The following UBAC2 variants were observed in gnomAD, a reference collection of about 807,000 sequenced individuals.
UBAC2 encodes ubiquitin-associated domain-containing protein 2.
Under a neutral mutation model 44.0 loss-of-function variants are expected in UBAC2, and 26 were observed. That is an observed-to-expected ratio of 0.59 (90% CI 0.43 to 0.82). The LOEUF (loss-of-function observed/expected upper bound fraction) is 0.82, where lower values mean the gene tolerates loss of function less well. Among genes scored for constraint, UBAC2 ranks in the 40% least tolerant of loss-of-function variants. The pLI is 0.00. For synonymous variants in UBAC2, 155 were observed against 154.3 expected (o/e 1.00, Z -0.04); for missense variants, 329 against 419.4 (o/e 0.78, Z 1.88).
chr13:99,256,871 C>CT (rs761560719), intron 4 of UBAC2, among the ~76,000 whole-genome samples: 8 of 152,146 alleles, frequency 5.3e-5, no homozygotes, highest in Non-Finnish European at 1.0e-4. Flanking sequence ...GTGGCATCCC[C>CT]TTGTAATATG....
At chr13:99,246,449 A>G (rs1424434815) in intron 4 of UBAC2, among the ~76,000 whole-genome samples, 1 of 152,214 alleles carries the variant, frequency 6.6e-6, no homozygotes, top group Non-Finnish European at 1.5e-5. Flanking sequence ...TCCCCAAAAC[A>G]TCTCCTATCA....
At chr13:99,290,738 A>T (rs1270284534) in intron 4 of UBAC2, among the ~76,000 whole-genome samples, 1 of 151,754 alleles carries the variant, frequency 6.6e-6, no homozygotes, top group African/African-American at 2.4e-5. Flanking sequence ...CAAAAAAAAA[A>T]AAAAAAGAAA....
intron 7 of UBAC2, among the ~76,000 whole-genome samples, chr13:99,355,109 TA>T (rs2045157566): frequency 6.6e-6 from 1 of 152,226 alleles, no homozygotes; most frequent in African/African-American, 2.4e-5. Flanking sequence ...AAACCTTGAG[TA>T]ATCCCCAGTC....
At chr13:99,259,561 C>T (rs1171602984) in intron 4 of UBAC2, among the ~76,000 whole-genome samples, 1 of 152,122 alleles carries the variant, frequency 6.6e-6, no homozygotes, top group Non-Finnish European at 1.5e-5. Context: ...AAAGCCAGGT[C>T]CAGTTTCTCC....
chr13:99,340,169 A>G (rs2044862344), intron 6 of UBAC2, 151 bp from the exon 7 acceptor site: 5 of 732,208 alleles, frequency 6.8e-6, no homozygotes. Context: ...AGTGTTCTGC[A>G]GTGTGGTAGA....
At chr13:99,327,082 CAAG>C (rs2138797433) in intron 6 of UBAC2, among the ~76,000 whole-genome samples, 1 of 152,276 alleles carries the variant, frequency 6.6e-6, no homozygotes, top group South Asian at 2.1e-4. Context: ...CTAAAATCAT[CAAG>C]ATATTTAACT....
At chr13:99,201,264 T>C (rs928844667) in intron 1 of UBAC2, 1 of 1,445,838 alleles carries the variant, frequency 6.9e-7, no homozygotes, top group African/African-American at 1.4e-5. Context: ...CCCAGGCCCT[T>C]TGCGGAGCGT....
At chr13:99,203,780 G>A (rs890093399) in intron 1 of UBAC2, among the ~76,000 whole-genome samples, 6 of 152,164 alleles carry the variant, frequency 3.9e-5, no homozygotes, top group African/African-American at 4.8e-5. Flanking sequence ...GAGGGTAGCC[G>A]GGAAGGTGAC....
chr13:99,306,311 T>C (rs1927730), intron 4 of UBAC2, among the ~76,000 whole-genome samples: 38,428 of 152,058 alleles, frequency 0.25, 6,062 homozygotes, highest in Non-Finnish European at 0.35. Flanking sequence ...TTAGCACTTA[T>C]AATGAGAGGC....
chr13:99,306,174 G>T (rs1172946808), intron 4 of UBAC2, among the ~76,000 whole-genome samples: 1 of 152,130 alleles, frequency 6.6e-6, no homozygotes, highest in Non-Finnish European at 1.5e-5. Flanking sequence ...GGGATTACAG[G>T]AGTGAGCCAC....
intron 4 of UBAC2, among the ~76,000 whole-genome samples, chr13:99,262,740 A>AAAAAAG (rs1436059757): frequency 7.8e-5 from 11 of 141,466 alleles, no homozygotes; most frequent in African/African-American, 2.7e-4. Flanking sequence ...AAAAAAAAAA[A>AAAAAAG]GGACTTGTGG....
At chr13:99,382,360 C>G (rs1354408280) in intron 8 of UBAC2, among the ~76,000 whole-genome samples, 1 of 152,168 alleles carries the variant, frequency 6.6e-6, no homozygotes. Context: ...TGTGAAAATT[C>G]CTGAGTGTTT....
At chr13:99,383,352 C>CA (rs2045575671) in intron 8 of UBAC2, among the ~76,000 whole-genome samples, 2 of 45,128 alleles carry the variant, frequency 4.4e-5, no homozygotes, top group Non-Finnish European at 1.4e-4. Flanking sequence ...TTCCAGCCAA[C>CA]CAAATGAATT....
chr13:99,323,087 T>TGC (rs578115769), intron 6 of UBAC2, among the ~76,000 whole-genome samples: 198 of 152,146 alleles, frequency 1.3e-3, no homozygotes, highest in Middle Eastern at 6.8e-3. Context: ...TGAGTTCCTC[T>TGC]GCGCCGCCTT....
At chr13:99,358,778 A>G (rs1353795670) in intron 7 of UBAC2, among the ~76,000 whole-genome samples, 1 of 152,096 alleles carries the variant, frequency 6.6e-6, no homozygotes, top group Non-Finnish European at 1.5e-5. Flanking sequence ...TGGTTTATGC[A>G]GTGGATGGAT....
chr13:99,201,520 T>C, intron 1 of UBAC2: 1 of 1,614,202 alleles, frequency 6.2e-7, no homozygotes, highest in Non-Finnish European at 8.5e-7. Context: ...AGCGCAGCTG[T>C]GCTGCTGGAT....
chr13:99,201,113 C>T, intron 1 of UBAC2, 174 bp downstream of exon 1: 1 of 1,351,018 alleles, frequency 7.4e-7, no homozygotes. Flanking sequence ...GGAAACCGCC[C>T]CCATTTCGGC....
chr13:99,338,020 A>T (rs2044816143), intron 6 of UBAC2, among the ~76,000 whole-genome samples: 1 of 137,468 alleles, frequency 7.3e-6, no homozygotes, highest in Non-Finnish European at 1.6e-5. Flanking sequence ...AATTGCAAAA[A>T]AATCTCCTAA....
intron 4 of UBAC2, chr13:99,294,856 T>C: frequency 2.2e-6 from 1 of 447,988 alleles, no homozygotes; most frequent in Non-Finnish European, 3.9e-6. Flanking sequence ...ATGAAATATT[T>C]ATTTGCATTT....
Sources: allele counts gnomAD v4.1 joint callset (sites outside exome capture counted in the v4.1 genomes callset), GRCh38; gene constraint gnomAD v4.1.1; transcripts MANE v1.5; gene names NCBI Gene and HGNC (gene_info 2026-07-23, HGNC 2026-07-21).